The following RALGDS variants were observed in gnomAD, a reference collection of about 807,000 sequenced individuals.
RALGDS encodes the protein ral guanine nucleotide dissociation stimulator.
A neutral mutation model predicts 99.8 loss-of-function variants in RALGDS; 44 were observed. The observed-to-expected ratio is 0.44, with a 90% CI of 0.35 to 0.57. The LOEUF is 0.57. Among genes scored for constraint, RALGDS ranks in the 20% least tolerant of loss-of-function variants. RALGDS has a pLI of 0.01. For missense variants in RALGDS, 1,022 were observed against 1,203.1 expected (o/e 0.85, Z 2.23); for synonymous variants, 529 against 505.0 (o/e 1.05, Z -0.64).
chr9:133,098,489 CCTGGG>C lies in RALGDS; in HGVS notation c.*93_*97del. 1 of 1,285,944 alleles carries C rather than the reference CCTGGG, an allele frequency of 7.8e-7. No individual in the cohort carries two copies. Among genetic ancestry groups the C allele is most frequent in the Non-Finnish European group, 1.1e-6 (1 of 901,150 alleles). 79.7% of individuals were successfully genotyped at this position (1,285,944 alleles called of 1,614,324 possible). On this transcript the variant is annotated 3_prime_UTR_variant, in exon 18 of 18. Coordinates refer to ENST00000372050, the MANE Select transcript of RALGDS (RefSeq NM_006266.4). ...AGGATGAAACTGGAGTCTGGGGTAC[CCTGGG>C]CTGGCAGGTGGGAGGAAGGCGCCCA...
chr9:133,141,613 C>T (rs1832523959), intron 1 of RALGDS, among the ~76,000 whole-genome samples: 1 of 152,236 alleles, frequency 6.6e-6, no homozygotes, highest in South Asian at 2.1e-4. Context: ...ACCTGCCTCA[C>T]CTGAGGACCA....
chr9:133,129,807 CTTCT>C (rs1832278345), intron 1 of RALGDS, among the ~76,000 whole-genome samples: 3 of 135,992 alleles, frequency 2.2e-5, no homozygotes, highest in South Asian at 4.9e-4. Context: ...GATTTCCTTT[CTTCT>C]TTTTTTTTTT....
At chr9:133,109,827 C>T in intron 3 of RALGDS, 106 bp from the exon 4 acceptor site, 2 of 854,362 alleles carry the variant, frequency 2.3e-6, no homozygotes, top group East Asian at 2.6e-5. Context: ...ATATTAAATG[C>T]CTAGAAAAGG....
upstream of RALGDS, among the ~76,000 whole-genome samples, chr9:133,126,229 C>T (rs1454913017): frequency 2.0e-5 from 3 of 151,958 alleles, no homozygotes; most frequent in Non-Finnish European, 2.9e-5. Flanking sequence ...CCAACCTCCC[C>T]CCGGGACGTG....
upstream of RALGDS, among the ~76,000 whole-genome samples, chr9:133,133,623 G>A (rs911215500): frequency 9.2e-5 from 14 of 152,230 alleles, no homozygotes; most frequent in African/African-American, 2.9e-4. Context: ...CTGCCTTCAG[G>A]AGCTGGGCCT....
intron 1 of RALGDS, among the ~76,000 whole-genome samples, chr9:133,128,213 G>A (rs1463343563): frequency 6.6e-6 from 1 of 151,676 alleles, no homozygotes; most frequent in Non-Finnish European, 1.5e-5. Context: ...GAGGAGAGAG[G>A]AAGACATAGA....
chr9:133,108,952 A>T, intron 4 of RALGDS, 86 bp from the exon 5 acceptor site: 1 of 1,330,408 alleles, frequency 7.5e-7, no homozygotes, highest in Non-Finnish European at 1.0e-6. Flanking sequence ...TGTCCATCTG[A>T]AGGCCACCTG....
chr9:133,136,642 C>T lies in RALGDS; in HGVS notation c.18+12321G>A, dbSNP rs558072462. On this transcript the variant is annotated intron_variant, in intron 1 of 17. Transcript: ENST00000393160. ...TACAAAAATTAGCCAGGCGTGGTGGCGGCGCCTGTAACCCCAGCTACTCGG... is the reference window on the plus strand; with the variant it reads ...TACAAAAATTAGCCAGGCGTGGTGGTGGCGCCTGTAACCCCAGCTACTCGG... 9.2e-5 allele frequency among the ~76,000 whole-genome samples: 14 copies of T among 152,116 alleles called. No individual in the cohort carries two copies. The South Asian group carries it at 2.3e-3, about 25-fold the overall frequency.
chr9:133,103,976 C>A, intron 10 of RALGDS, 143 bp from the exon 11 acceptor site: 2 of 877,222 alleles, frequency 2.3e-6, no homozygotes, highest in Non-Finnish European at 1.9e-6. Flanking sequence ...CCCCAGACTC[C>A]CTCTAGCCAT....
chr9:133,106,371 GGCGTTA>G (rs1476645908), intron 8 of RALGDS, among the ~76,000 whole-genome samples: 2 of 152,226 alleles, frequency 1.3e-5, no homozygotes, highest in East Asian at 3.8e-4. Flanking sequence ...TGGGATTACA[GGCGTTA>G]GCCATTGCGC....
chr9:133,121,867 T>G (rs956525042), upstream of RALGDS, among the ~76,000 whole-genome samples: 12 of 152,084 alleles, frequency 7.9e-5, no homozygotes, highest in African/African-American at 2.9e-4. Context: ...ACCCTGTCAG[T>G]GCAATTGGAA....
rs76787521 is a variant in RALGDS at position 133,103,853 on chromosome 9, G to A, written c.1672-20C>T. The A allele has an allele frequency of 5.0e-3, 8,081 of 1,606,178 alleles. 342 individuals are homozygous for A. In the African/African-American group the frequency reaches 0.095, roughly 19 times the overall value. On this transcript the variant is annotated intron_variant, in intron 10 of 17. Transcript: ENST00000372050. Reference sequence around the variant, plus strand: ...GATGCCCTGTGACATTGGGGTAGGAGGATGAGCAAGGCCCCTCCCCTGAAG... The same window carrying A: ...GATGCCCTGTGACATTGGGGTAGGAAGATGAGCAAGGCCCCTCCCCTGAAG...
chr9:133,128,146 T>C (rs1445401281), intron 1 of RALGDS, among the ~76,000 whole-genome samples: 2 of 152,112 alleles, frequency 1.3e-5, no homozygotes, highest in Non-Finnish European at 2.9e-5. Context: ...GAGGAGTCAC[T>C]GCCACCCCCG....
At position 133,112,024 on chromosome 9, in the gene RALGDS, GACCCCGAGCGCACTC is replaced by G. The variant is rs1486457323; in HGVS notation, c.294+3_294+17del. 17 of 1,545,352 alleles carry G rather than the reference GACCCCGAGCGCACTC, an allele frequency of 1.1e-5. No homozygotes were observed. The highest frequency in any genetic ancestry group is 1.9e-5 in the Admixed American group (1 of 53,066). On this transcript the variant is annotated splice_donor_5th_base_variant and intron_variant, in intron 2 of 17. Transcript: ENST00000372050. The stretch of plus-strand genomic sequence containing the variant: ...ATCCCCAGCTGCGTCTCCCAGTGGA[GACCCCGAGCGCACTC>G]ACCCCGAGCCAGCGCTGCCCCTTGT...
In RALGDS at chr9:133,144,672, G is replaced by A. The variant is rs6597601; in HGVS notation, c.18+4291C>T. On this transcript the variant is annotated intron_variant, in intron 1 of 17. Transcript: ENST00000393160. The surrounding 1 kb of genome is among the most constrained non-coding windows in gnomAD (Gnocchi z 4.5). ...CTCCGCTCACGCCCCCACACCCCCT[G>A]GCTGGGGGCTGGGTTCCTGCGATGT... Among the ~76,000 whole-genome samples the A allele has an allele frequency of 0.42, 63,848 of 152,142 alleles. 13,944 individuals are homozygous for A. Among genetic ancestry groups the A allele is most frequent in the African/African-American group, 0.51 (21,019 of 41,498 alleles).
upstream of RALGDS, chr9:133,121,367 C>T: frequency 3.0e-6 from 1 of 338,628 alleles, no homozygotes; most frequent in Non-Finnish European, 4.2e-6. Flanking sequence ...CCCGCGGCCC[C>T]GCCCTCGCCG....
rs542360078 is a variant in RALGDS, at chr9:133,120,434, C to A, written c.183+538G>T. Among the ~76,000 whole-genome samples, 4 of 137,984 alleles carry A rather than the reference C, an allele frequency of 2.9e-5. No homozygotes were observed. The East Asian group carries it at 9.3e-4, about 32-fold the overall frequency. 90.5% of individuals were successfully genotyped at this position (137,984 alleles called of 152,430 possible). A position where few individuals can be genotyped will look rare whatever the true frequency, so the allele number is the denominator to read the frequency against. The stretch of plus-strand genomic sequence containing the variant: ...TGCTCCACCCCATCCCCCGACCCCC[C>A]CCCCACCCCGCTCTGAGCAGCCCCG... On this transcript the variant is annotated intron_variant, in intron 1 of 17. Coordinates refer to ENST00000372050, the MANE Select transcript of RALGDS (RefSeq NM_006266.4).
Position 133,106,015 on chromosome 9 carries a change from C to T in RALGDS, c.1519G>A (p.Asp507Asn), listed in dbSNP as rs1170401876. The T allele has an allele frequency of 1.2e-6, 2 of 1,607,508 alleles. No individual in the cohort carries two copies. The highest frequency in any genetic ancestry group is 1.7e-6 in the Non-Finnish European group (2 of 1,177,132). Residue 507 changes from aspartate to asparagine, a missense_variant and splice_region_variant, in exon 9 of 18, where the codon GAC becomes AAC. Asp to Asn is a conservative substitution (Grantham distance 23). Transcript: ENST00000372050. ...LKKTWEDVSR[D>N]SFRIFQKLSE... Reference sequence around the variant, plus strand: ...AGCTTCTGAAAGATCCGGAAACTGTCCCTGTCAGAAGGGCAAAGAAGGAAA... The same window carrying T: ...AGCTTCTGAAAGATCCGGAAACTGTTCCTGTCAGAAGGGCAAAGAAGGAAA...
At chr9:133,123,154 A>G (rs1196428325), upstream of RALGDS, among the ~76,000 whole-genome samples, 1 of 152,104 alleles carries the variant, frequency 6.6e-6, no homozygotes, top group African/African-American at 2.4e-5. Context: ...ACAGGGCCAC[A>G]AAGAGGTGAC....
Sources: gnomAD v4.1 joint callset for allele counts (sites outside exome capture counted in the v4.1 genomes callset) on GRCh38, gnomAD v4.1.1 for gene constraint, Gnocchi (gnomAD v3.1) non-coding constraint, MANE v1.5 for transcripts, NCBI Gene and HGNC (gene_info 2026-07-23, HGNC 2026-07-21) for gene names.